The following UBR4 variants were observed in gnomAD, a reference collection of about 807,000 sequenced individuals.
UBR4 encodes E3 ubiquitin-protein ligase UBR4.
Under a neutral mutation model 575.6 loss-of-function variants are expected in UBR4, and 124 were observed. The observed-to-expected ratio is 0.22, with a 90% CI of 0.19 to 0.25. The LOEUF is 0.25. Ranked by LOEUF, UBR4 falls within the 10% of genes least tolerant of loss-of-function variation. UBR4 has a pLI of 1.00. For synonymous variants in UBR4, 2,455 were observed against 2,473.7 expected (o/e 0.99, Z 0.22); for missense variants, 4,818 against 6,478.8 (o/e 0.74, Z 8.80).
At chr1:19,164,535 A>C in intron 32 of UBR4, 94 bp from the exon 33 acceptor site, 2 of 1,344,192 alleles carry the variant, frequency 1.5e-6, no homozygotes, top group Non-Finnish European at 2.0e-6. Context: ...TTAAATACAT[A>C]ACTACAATAC....
At chr1:19,195,172 G>A (rs1050016888) in intron 8 of UBR4, among the ~76,000 whole-genome samples, 5 of 151,504 alleles carry the variant, frequency 3.3e-5, no homozygotes, top group African/African-American at 1.2e-4. Flanking sequence ...GGCTGAGGCA[G>A]GAGAATGGCG....
At chr1:19,163,663 C>G in intron 34 of UBR4, 101 bp downstream of exon 34, 1 of 1,259,930 alleles carries the variant, frequency 7.9e-7, no homozygotes, top group Non-Finnish European at 1.2e-6. Context: ...GGTAGGCTAG[C>G]CAGGCACAGA....
intron 11 of UBR4, among the ~76,000 whole-genome samples, chr1:19,189,303 C>T (rs889610397): frequency 6.6e-6 from 1 of 152,148 alleles, no homozygotes; most frequent in African/African-American, 2.4e-5. Context: ...ATATGTGAGC[C>T]CTTTGTCCTA....
intron 11 of UBR4, among the ~76,000 whole-genome samples, chr1:19,187,946 T>C (rs181083376): frequency 6.6e-6 from 1 of 151,978 alleles, no homozygotes; most frequent in African/African-American, 2.4e-5. Flanking sequence ...CATGTACCTA[T>C]GGTACCAGCT....
intron 60 of UBR4, among the ~76,000 whole-genome samples, chr1:19,129,362 A>C (rs1245706423): frequency 1.3e-5 from 2 of 152,252 alleles, no homozygotes; most frequent in Admixed American, 1.3e-4. Flanking sequence ...GTATTTCCCA[A>C]GCCTCCAGGC....
At chr1:19,165,844 G>A in intron 29 of UBR4, 87 bp from the exon 30 acceptor site, 1 of 1,225,080 alleles carries the variant, frequency 8.2e-7, no homozygotes, top group Non-Finnish European at 1.1e-6. Context: ...TCCAAAGTTT[G>A]TCTGTTTGAC....
At chr1:19,182,717 T>C (rs1358176084) in intron 17 of UBR4, among the ~76,000 whole-genome samples, 1 of 152,114 alleles carries the variant, frequency 6.6e-6, no homozygotes, top group African/African-American at 2.4e-5. Context: ...TAATGGAATA[T>C]CATACAGTAG....
intron 97 of UBR4, among the ~76,000 whole-genome samples, chr1:19,092,402 C>T (rs2077610732): frequency 6.6e-6 from 1 of 151,698 alleles, no homozygotes; most frequent in Non-Finnish European, 1.5e-5. Context: ...GAGGGGTTAA[C>T]GCTCAGCCCT....
In UBR4 at chr1:19,104,073, G is replaced by A; in HGVS notation, c.12901+11C>T. The A allele has an allele frequency of 1.2e-6, 2 of 1,613,856 alleles. No individual in the cohort carries two copies. Among genetic ancestry groups the A allele is most frequent in the Non-Finnish European group, 1.7e-6 (2 of 1,179,880 alleles). On this transcript the variant is annotated intron_variant, in intron 87 of 105. Transcript: ENST00000375254. ...CAGTGCCTTAGGCTCCAGGCCACTG[G>A]GCAGTGCTACCTGTGGTCATGTCCT...
chr1:19,108,532 A>C (rs187383227), intron 81 of UBR4, among the ~76,000 whole-genome samples: 145 of 152,216 alleles, frequency 9.5e-4, no homozygotes, highest in Admixed American at 2.1e-3. Context: ...CTGAGCATTA[A>C]ATAGATTAGT....
At chr1:19,085,484 T>C (rs1235482492) in intron 101 of UBR4, among the ~76,000 whole-genome samples, 1 of 152,236 alleles carries the variant, frequency 6.6e-6, no homozygotes, top group African/African-American at 2.4e-5. Flanking sequence ...ATCACGCCAC[T>C]GCACTCCAGC....
rs1175915993 is a variant in UBR4 at position 19,117,197 on chromosome 1, T to G, written c.10823+24A>C. ...CTTCAGCCTTACAACCTGCTGCCCC[T>G]CCCGAGGCCTAAAAAGCCCGTACTT... On this transcript the variant is annotated intron_variant, in intron 73 of 105. Transcript: ENST00000375254. The surrounding 1 kb of genome is among the most constrained non-coding windows in gnomAD (Gnocchi z 4.0). 2 of 1,607,678 alleles carry G rather than the reference T, an allele frequency of 1.2e-6. No individual in the cohort carries two copies. Among genetic ancestry groups the G allele is most frequent in the Admixed American group, 3.3e-5 (2 of 59,930 alleles).
chr1:19,161,185 C>T, intron 37 of UBR4, 38 bp from the exon 38 acceptor site: 1 of 1,591,236 alleles, frequency 6.3e-7, no homozygotes, highest in Non-Finnish European at 8.6e-7. Flanking sequence ...AAGTTCTTGC[C>T]TCAAGCACAG....
At chr1:19,193,972 C>T (rs1042595405) in intron 8 of UBR4, among the ~76,000 whole-genome samples, 3 of 152,182 alleles carry the variant, frequency 2.0e-5, no homozygotes, top group Non-Finnish European at 4.4e-5. Context: ...ATTCCAACTA[C>T]ATGACATTCT....
At chr1:19,199,116 T>C (rs1173323643) in intron 3 of UBR4, among the ~76,000 whole-genome samples, 188 bp from the exon 4 acceptor site, 1 of 152,206 alleles carries the variant, frequency 6.6e-6, no homozygotes, top group Non-Finnish European at 1.5e-5. Context: ...GTTCTCACAA[T>C]ATTTTTTTAA....
intron 1 of UBR4, among the ~76,000 whole-genome samples, chr1:19,209,040 A>G (rs1475384046): frequency 1.3e-5 from 2 of 152,244 alleles, no homozygotes; most frequent in African/African-American, 4.8e-5. Context: ...ATTTGTTAAA[A>G]ACTCTGCATC....
intron 26 of UBR4, among the ~76,000 whole-genome samples, chr1:19,170,065 T>C (rs2089261381): frequency 6.6e-6 from 1 of 152,214 alleles, no homozygotes; most frequent in African/African-American, 2.4e-5. Flanking sequence ...GTAACTACTG[T>C]ACTTAACTCC....
chr1:19,186,113 T>G (rs2091502381), intron 14 of UBR4, among the ~76,000 whole-genome samples: 1 of 152,132 alleles, frequency 6.6e-6, no homozygotes, highest in South Asian at 2.1e-4. Flanking sequence ...TGCCAGTGGG[T>G]TCACTACAAC....
Position 19,153,607 on chromosome 1 carries a change from G to T in UBR4, c.6631-105C>A. ...AACTGGTTTCATGGTCAGTTGAGGG[G>T]CTGTACAGAAGGGTGGCAAAGAAAA... On this transcript the variant is annotated intron_variant, in intron 45 of 105. Transcript: ENST00000375254. This position sits in a 1 kb window ranked among gnomAD's most constrained non-coding sequence, Gnocchi z 4.1. 1 of 1,500,586 alleles carries T rather than the reference G, an allele frequency of 6.7e-7. No homozygotes were observed. Among genetic ancestry groups the T allele is most frequent in the Non-Finnish European group, 9.2e-7 (1 of 1,091,950 alleles). 93.0% of individuals were successfully genotyped at this position (1,500,586 alleles called of 1,614,324 possible).
Sources: gnomAD v4.1 joint callset for allele counts (sites outside exome capture counted in the v4.1 genomes callset) on GRCh38, gnomAD v4.1.1 for gene constraint, Gnocchi (gnomAD v3.1) non-coding constraint, MANE v1.5 for transcripts, NCBI Gene and HGNC (gene_info 2026-07-23, HGNC 2026-07-21) for gene names.